Variants in KHDRBS2 observed in about 807,000 individuals in gnomAD.
KHDRBS2 encodes KH domain-containing, RNA-binding, signal transduction-associated protein 2.
A neutral mutation model predicts 44.3 loss-of-function variants in KHDRBS2; 26 were observed. The ratio of observed to expected loss-of-function variants is 0.59; its 90% CI spans 0.43 to 0.81. The LOEUF (loss-of-function observed/expected upper bound fraction) is 0.81. KHDRBS2 is among the 40% of genes least tolerant of loss of function. The probability of loss-of-function intolerance (pLI) is 0.00; values close to 1 mark genes in which losing one functional copy is unlikely to be tolerated. For synonymous variants in KHDRBS2, 194 were observed against 151.1 expected (o/e 1.28, Z -2.08); for missense variants, 476 against 433.1 (o/e 1.10, Z -0.88).
At chr6:62,030,586 A>C (rs1784172075) in intron 3 of KHDRBS2, among the ~76,000 whole-genome samples, 1 of 152,118 alleles carries the variant, frequency 6.6e-6, no homozygotes, top group South Asian at 2.1e-4. Flanking sequence ...AGAATGAAAA[A>C]TGAATAATTA....
chr6:61,624,078 G>A, the KHDRBS2 span, among the ~76,000 whole-genome samples: 1 of 152,206 alleles, frequency 6.6e-6, no homozygotes, highest in African/African-American at 2.4e-5. Flanking sequence ...GGTAGAAGTA[G>A]CAGAAAGACA....
At chr6:62,061,721 G>T (rs1035422681) in intron 2 of KHDRBS2, among the ~76,000 whole-genome samples, 2 of 150,458 alleles carry the variant, frequency 1.3e-5, no homozygotes, top group African/African-American at 4.9e-5. Flanking sequence ...ACGTTGGCCT[G>T]CCTTGCTAGA....
intron 6 of KHDRBS2, among the ~76,000 whole-genome samples, chr6:61,784,379 A>G (rs1293514655): frequency 6.6e-6 from 1 of 151,544 alleles, no homozygotes; most frequent in Non-Finnish European, 1.5e-5. Context: ...TATTCTATGA[A>G]GATGATTTCA....
At chr6:61,753,354 A>G (rs1193648980) in intron 6 of KHDRBS2, among the ~76,000 whole-genome samples, 1 of 152,138 alleles carries the variant, frequency 6.6e-6, no homozygotes, top group Non-Finnish European at 1.5e-5. Flanking sequence ...GAGGACCCTA[A>G]TTAGCTTAGG....
the KHDRBS2 span, among the ~76,000 whole-genome samples, chr6:61,561,551 C>T: frequency 6.6e-6 from 1 of 152,174 alleles, no homozygotes; most frequent in East Asian, 1.9e-4. Context: ...AGCTGGTACC[C>T]AAACCACAAG....
At chr6:61,724,006 T>A (rs1773137578) in intron 7 of KHDRBS2, among the ~76,000 whole-genome samples, 1 of 152,088 alleles carries the variant, frequency 6.6e-6, no homozygotes, top group African/African-American at 2.4e-5. Context: ...CCAAGGCACA[T>A]AATCATCAGA....
intron 6 of KHDRBS2, among the ~76,000 whole-genome samples, chr6:61,795,706 C>T (rs1417015845): frequency 6.6e-6 from 1 of 151,990 alleles, no homozygotes; most frequent in Admixed American, 6.6e-5. Context: ...TTGTTCTTCC[C>T]CTGAAAATCA....
chr6:61,543,487 A>T, the KHDRBS2 span, among the ~76,000 whole-genome samples: 15 of 152,148 alleles, frequency 9.9e-5, no homozygotes, highest in East Asian at 2.3e-3. Flanking sequence ...ACCCTCATAC[A>T]CTAATTGACT....
chr6:61,708,881 C>T (rs548359484), intron 7 of KHDRBS2, among the ~76,000 whole-genome samples: 90 of 151,644 alleles, frequency 5.9e-4, no homozygotes, highest in Non-Finnish European at 1.1e-3. Context: ...ATTCTGGGTT[C>T]CACTTGGAAT....
chr6:62,000,465 T>C (rs914695577), intron 3 of KHDRBS2, among the ~76,000 whole-genome samples: 1 of 151,746 alleles, frequency 6.6e-6, no homozygotes, highest in Admixed American at 6.6e-5. Context: ...TAAGCAACAA[T>C]GAGATCTACA....
At chr6:61,991,282 A>T (rs1298758874) in intron 3 of KHDRBS2, among the ~76,000 whole-genome samples, 1 of 152,224 alleles carries the variant, frequency 6.6e-6, no homozygotes, top group Non-Finnish European at 1.5e-5. Flanking sequence ...TAAAGTAATA[A>T]GCAAATCAAA....
chr6:61,745,344 T>C lies in KHDRBS2; in HGVS notation c.811-12580A>G, dbSNP rs1230164256. 2.6e-5 allele frequency among the ~76,000 whole-genome samples: 4 copies of C among 152,308 alleles called. No homozygotes were observed. The East Asian group carries it at 7.7e-4, about 29-fold the overall frequency. ...CGACTCCCATTTTTTAAAATGCTTT[T>C]TAACACCTTAGAAATCAGGTAGCAA... On this transcript the variant is annotated intron_variant, in intron 6 of 8. Transcript: ENST00000281156.
At chr6:62,281,928 GA>G (rs1028441704) in intron 1 of KHDRBS2, among the ~76,000 whole-genome samples, 6 of 152,040 alleles carry the variant, frequency 3.9e-5, no homozygotes. Flanking sequence ...AAGATAACTT[GA>G]ATTTAATTTT....
At chr6:61,993,625 C>G (rs1336341871) in intron 3 of KHDRBS2, among the ~76,000 whole-genome samples, 1 of 128,766 alleles carries the variant, frequency 7.8e-6, no homozygotes, top group African/African-American at 2.7e-5. Context: ...TACAACTGCC[C>G]TCTACTCCTT....
chr6:61,919,142 T>C (rs1217708933), intron 4 of KHDRBS2, among the ~76,000 whole-genome samples: 1 of 151,918 alleles, frequency 6.6e-6, no homozygotes, highest in African/African-American at 2.4e-5. Context: ...TTAGAACACA[T>C]TTATGGGAAC....
chr6:61,648,678 T>C, the KHDRBS2 span, among the ~76,000 whole-genome samples: 7 of 152,164 alleles, frequency 4.6e-5, no homozygotes, highest in Non-Finnish European at 8.8e-5. Flanking sequence ...AAGGCGGTCA[T>C]TCTAACCATC....
the KHDRBS2 span, among the ~76,000 whole-genome samples, chr6:61,638,110 C>T: frequency 2.0e-5 from 3 of 151,930 alleles, no homozygotes; most frequent in Admixed American, 6.6e-5. Flanking sequence ...CAATGTCTTC[C>T]CCATCAAGCT....
intron 3 of KHDRBS2, among the ~76,000 whole-genome samples, chr6:62,020,297 T>C (rs571852317): frequency 6.6e-6 from 1 of 152,188 alleles, no homozygotes; most frequent in Admixed American, 6.5e-5. Context: ...CTAATTTATG[T>C]GGTCAGACAA....
chr6:62,280,185 G>T (rs1841600275), intron 1 of KHDRBS2, among the ~76,000 whole-genome samples: 1 of 152,202 alleles, frequency 6.6e-6, no homozygotes, highest in African/African-American at 2.4e-5. Flanking sequence ...TAAGCAGAAA[G>T]GCTGAAGAGA....
Sources: allele counts gnomAD v4.1 joint callset (sites outside exome capture counted in the v4.1 genomes callset), GRCh38; gene constraint gnomAD v4.1.1; transcripts MANE v1.5; gene names NCBI Gene and HGNC (gene_info 2026-07-23, HGNC 2026-07-21).